The following OTOGL variants were observed in gnomAD, a reference collection of about 807,000 sequenced individuals.
OTOGL encodes otogelin like.
In OTOGL, 285 loss-of-function variants were observed where a neutral mutation model predicts 318.5. The observed-to-expected ratio is 0.89, with a 90% confidence interval of 0.81 to 0.99. The LOEUF is 0.99. Among genes scored for constraint, OTOGL ranks in the 50% least tolerant of loss-of-function variants. OTOGL has a pLI of 0.00. For synonymous variants in OTOGL, 987 were observed against 936.5 expected, an observed-to-expected ratio of 1.05 and a Z score of -0.99; for missense variants, 2,899 against 2,845.6, an observed-to-expected ratio of 1.02 and a Z score of -0.43.
At chr12:80,190,471 G>A (rs960846851) in intron 1 of OTOGL, among the ~76,000 whole-genome samples, 10 of 152,182 alleles carry the variant, frequency 6.6e-5, no homozygotes, top group Non-Finnish European at 1.5e-4. Flanking sequence ...CGTGGGCAAA[G>A]TGAACACTGA....
chr12:80,266,997 A>G (rs1182934159), intron 21 of OTOGL, among the ~76,000 whole-genome samples: 7 of 152,164 alleles, frequency 4.6e-5, no homozygotes, highest in Non-Finnish European at 1.0e-4. Context: ...TCTGAATTGC[A>G]TTCAGTGATT....
intron 44 of OTOGL, among the ~76,000 whole-genome samples, chr12:80,350,076 T>G (rs1394230759): frequency 6.6e-6 from 1 of 152,184 alleles, no homozygotes; most frequent in Non-Finnish European, 1.5e-5. Context: ...ATCACTTCAG[T>G]CCCTGGTAAC....
chr12:80,204,821 C>T (rs963049583), intron 1 of OTOGL, among the ~76,000 whole-genome samples: 2 of 152,098 alleles, frequency 1.3e-5, no homozygotes, highest in African/African-American at 4.8e-5. Flanking sequence ...AATTTATATT[C>T]TGTGGTCTGT....
At chr12:80,127,352 G>T (rs1473128613) in intron 1 of OTOGL, among the ~76,000 whole-genome samples, 2 of 152,148 alleles carry the variant, frequency 1.3e-5, no homozygotes, top group African/African-American at 4.8e-5. Flanking sequence ...TTTTCTTTAA[G>T]AATGTTGAAT....
chr12:80,279,881 G>C (rs1884090555), intron 26 of OTOGL, among the ~76,000 whole-genome samples: 1 of 151,676 alleles, frequency 6.6e-6, no homozygotes, highest in Non-Finnish European at 1.5e-5. Flanking sequence ...TTTCTACAGT[G>C]GCTAAACTAA....
chr12:80,362,491 G>A (rs1890296700), intron 52 of OTOGL, among the ~76,000 whole-genome samples: 1 of 152,046 alleles, frequency 6.6e-6, no homozygotes, highest in African/African-American at 2.4e-5. Flanking sequence ...GCAAATTTGA[G>A]GATTGTTTTA....
At chr12:80,340,329 T>C (rs910047921) in intron 43 of OTOGL, among the ~76,000 whole-genome samples, 4 of 152,134 alleles carry the variant, frequency 2.6e-5, no homozygotes, top group African/African-American at 4.8e-5. Flanking sequence ...CTCACTTGTT[T>C]AGAGTATGCT....
At position 80,163,801 on chromosome 12, in the gene OTOGL, T is replaced by C. The variant is rs546508564; in HGVS notation, c.-19-45612T>C. On this transcript the variant is annotated intron_variant, in intron 1 of 58. Coordinates refer to ENST00000547103, the MANE Select transcript of OTOGL (RefSeq NM_001378609.3). Reference sequence around the variant, plus strand: ...AGAGGAGCAAGAGAGCAAGCCCAACTGTTGCAAGCATTTTCCAAGCTTTTA... The same window carrying C: ...AGAGGAGCAAGAGAGCAAGCCCAACCGTTGCAAGCATTTTCCAAGCTTTTA... Among the ~76,000 whole-genome samples, 174 of 152,286 alleles carry C rather than the reference T, an allele frequency of 1.1e-3. 2 individuals carry two copies. Among genetic ancestry groups the C allele is most frequent in the Non-Finnish European group, 2.2e-3 (148 of 68,008 alleles).
chr12:80,110,962 T>C (rs568335909), intron 1 of OTOGL, among the ~76,000 whole-genome samples: 1 of 152,366 alleles, frequency 6.6e-6, no homozygotes, highest in East Asian at 1.9e-4. Flanking sequence ...TGAAATGATA[T>C]CTCATTGTGG....
At chr12:80,165,722 CCTACAG>C (rs538257738) in intron 1 of OTOGL, among the ~76,000 whole-genome samples, 1 of 152,228 alleles carries the variant, frequency 6.6e-6, no homozygotes, top group Non-Finnish European at 1.5e-5. Flanking sequence ...CCAGACCTTT[CCTACAG>C]CTACAGCTAC....
At chr12:80,322,844 C>T in intron 34 of OTOGL, among the ~76,000 whole-genome samples, 1 of 152,134 alleles carries the variant, frequency 6.6e-6, no homozygotes, top group East Asian at 1.9e-4. Flanking sequence ...TTTCTGAGAA[C>T]AGCAACAGAA....
intron 1 of OTOGL, among the ~76,000 whole-genome samples, chr12:80,149,191 A>T (rs1265931651): frequency 6.6e-6 from 1 of 151,992 alleles, no homozygotes; most frequent in Non-Finnish European, 1.5e-5. Context: ...GGTTTTATCT[A>T]CTTTTGGTCT....
chr12:80,164,549 T>C (rs1368176992), intron 1 of OTOGL, among the ~76,000 whole-genome samples: 2 of 152,216 alleles, frequency 1.3e-5, no homozygotes, highest in Non-Finnish European at 1.5e-5. Flanking sequence ...TATTGTCTTA[T>C]AATCCTTTTA....
intron 29 of OTOGL, among the ~76,000 whole-genome samples, chr12:80,306,876 G>A (rs1178100905): frequency 6.7e-6 from 1 of 150,304 alleles, no homozygotes; most frequent in Non-Finnish European, 1.5e-5. Flanking sequence ...CAGGATCACA[G>A]GACAATAGTG....
At chr12:80,228,198 T>C (rs751191019) in intron 7 of OTOGL, among the ~76,000 whole-genome samples, 7 of 152,176 alleles carry the variant, frequency 4.6e-5, no homozygotes, top group African/African-American at 1.7e-4. Context: ...CCCAGCACTT[T>C]GGGAGGCTGA....
At chr12:80,246,108 A>G (rs1438310136) in intron 11 of OTOGL, among the ~76,000 whole-genome samples, 2 of 151,732 alleles carry the variant, frequency 1.3e-5, no homozygotes, top group Admixed American at 6.5e-5. Context: ...TCATCTGCAA[A>G]CAGGGACAAT....
chr12:80,177,370 A>G (rs1052801090), intron 1 of OTOGL, among the ~76,000 whole-genome samples: 1 of 152,230 alleles, frequency 6.6e-6, no homozygotes, highest in Non-Finnish European at 1.5e-5. Context: ...TAAAGAGATT[A>G]TCCTTGCCCC....
intron 20 of OTOGL, 120 bp downstream of exon 20, chr12:80,265,330 T>C: frequency 9.8e-7 from 1 of 1,017,476 alleles, no homozygotes; most frequent in Non-Finnish European, 1.4e-6. Context: ...ATTTGAAATA[T>C]TCTCATAATG....
chr12:80,328,963 C>A, intron 36 of OTOGL, 88 bp from the exon 37 acceptor site: 1 of 1,256,592 alleles, frequency 8.0e-7, no homozygotes, highest in Non-Finnish European at 1.1e-6. Flanking sequence ...AAAACATTTT[C>A]CTTGAAGCTA....
Sources: allele counts gnomAD v4.1 joint callset (sites outside exome capture counted in the v4.1 genomes callset), GRCh38; gene constraint gnomAD v4.1.1; transcripts MANE v1.5; gene names NCBI Gene and HGNC (gene_info 2026-07-23, HGNC 2026-07-21).